DOCK1: variants seen among roughly 807,000 people sequenced by gnomAD.
DOCK1 encodes the protein dedicator of cytokinesis protein 1.
In DOCK1, 138 loss-of-function variants were observed where a neutral mutation model predicts 262.7. The ratio of observed to expected loss-of-function variants is 0.53; its 90% CI spans 0.46 to 0.61. The LOEUF is 0.61. Ranked by LOEUF, DOCK1 falls within the 20% of genes least tolerant of loss-of-function variation. The probability of loss-of-function intolerance (pLI) is 0.00; values close to 1 mark genes in which losing one functional copy is unlikely to be tolerated. For missense variants in DOCK1, 1,908 were observed against 2,370.7 expected (o/e 0.80, Z 4.05); for synonymous variants, 866 against 867.4 (o/e 1.00, Z 0.03).
chr10:127,090,208 A>G (rs1313422561), intron 23 of DOCK1, among the ~76,000 whole-genome samples: 1 of 152,148 alleles, frequency 6.6e-6, no homozygotes, highest in African/African-American at 2.4e-5. Flanking sequence ...TGCATTTGGC[A>G]AGACATGGCT....
intron 27 of DOCK1, among the ~76,000 whole-genome samples, chr10:127,164,943 A>G (rs1271116507): frequency 6.6e-6 from 1 of 152,236 alleles, no homozygotes; most frequent in African/African-American, 2.4e-5. Context: ...TTTCCAGCTG[A>G]GGCCGAGTTG....
At chr10:127,092,648 A>T (rs2047606900) in intron 23 of DOCK1, among the ~76,000 whole-genome samples, 1 of 151,738 alleles carries the variant, frequency 6.6e-6, no homozygotes, top group East Asian at 1.9e-4. Flanking sequence ...CGCCTGGATA[A>T]TTTTTTTGTA....
intron 27 of DOCK1, among the ~76,000 whole-genome samples, chr10:127,222,377 T>C (rs1278219844): frequency 1.3e-5 from 2 of 152,198 alleles, no homozygotes; most frequent in East Asian, 3.8e-4. Context: ...ACTCTCTCTC[T>C]CTCAATATGT....
intron 39 of DOCK1, 27 bp downstream of exon 39, chr10:127,403,171 A>G (rs2067322725): frequency 1.9e-6 from 3 of 1,571,822 alleles, no homozygotes; most frequent in African/African-American, 2.7e-5. Flanking sequence ...TTTTATTTAA[A>G]TGAACACAGG....
chr10:127,360,117 G>A (rs2064340194), intron 32 of DOCK1, among the ~76,000 whole-genome samples: 1 of 152,164 alleles, frequency 6.6e-6, no homozygotes, highest in African/African-American at 2.4e-5. Context: ...CTTAACTAAG[G>A]TTCGCAGCCC....
chr10:127,026,203 G>T (rs2042849279), intron 15 of DOCK1, 149 bp from the exon 16 acceptor site: 2 of 783,068 alleles, frequency 2.6e-6, no homozygotes, highest in African/African-American at 3.6e-5. Context: ...TTTGTCTTTG[G>T]AAAAATCATA....
intron 22 of DOCK1, among the ~76,000 whole-genome samples, chr10:127,057,572 G>A (rs2045245617): frequency 6.6e-6 from 1 of 152,176 alleles, no homozygotes; most frequent in African/African-American, 2.4e-5. Context: ...AAGACATTTG[G>A]TTCCTGGGGA....
At chr10:127,353,359 C>T (rs1036036625) in intron 31 of DOCK1, among the ~76,000 whole-genome samples, 1 of 152,188 alleles carries the variant, frequency 6.6e-6, no homozygotes, top group South Asian at 2.1e-4. Flanking sequence ...GCCAGCACTA[C>T]AAGCCTCCAA....
intron 29 of DOCK1, among the ~76,000 whole-genome samples, chr10:127,314,135 A>G (rs937238501): frequency 7.2e-5 from 11 of 152,170 alleles, no homozygotes; most frequent in Non-Finnish European, 1.3e-4. Context: ...TCATGGCATG[A>G]CTTTCCTCCA....
chr10:126,967,004 A>T (rs1032894803), intron 1 of DOCK1, among the ~76,000 whole-genome samples: 2 of 152,164 alleles, frequency 1.3e-5, no homozygotes, highest in Non-Finnish European at 2.9e-5. Context: ...ACCAGGGAGA[A>T]TGTAGTAGGC....
At chr10:127,139,464 CT>C (rs2051015820) in intron 27 of DOCK1, among the ~76,000 whole-genome samples, 1 of 151,908 alleles carries the variant, frequency 6.6e-6, no homozygotes, top group African/African-American at 2.4e-5. Context: ...ATCCTTTTCC[CT>C]TTTTTCGAAG....
chr10:127,377,636 G>A lies in DOCK1; in HGVS notation c.3676-2446G>A, dbSNP rs750987640. Among the ~76,000 whole-genome samples the A allele has an allele frequency of 4.6e-5, 7 of 151,880 alleles. No homozygotes were observed. In the East Asian group the frequency reaches 1.2e-3, roughly 25 times the overall value. On this transcript the variant is annotated intron_variant, in intron 35 of 51. Transcript: ENST00000623213. ...AATAGGTCCGGGTGTGGTGGCTCAC[G>A]CCTGTTGCACTTTGGGAGGCCAAGG...
At chr10:127,388,474 A>G (rs558565360) in intron 38 of DOCK1, among the ~76,000 whole-genome samples, 20 of 152,336 alleles carry the variant, frequency 1.3e-4, no homozygotes, top group African/African-American at 4.8e-4. Context: ...CAAGGCAAAA[A>G]ATTCATTTTA....
chr10:126,919,769 T>G (rs982749846), intron 1 of DOCK1, among the ~76,000 whole-genome samples: 4 of 152,212 alleles, frequency 2.6e-5, no homozygotes, highest in Non-Finnish European at 5.9e-5. Flanking sequence ...GGTGGCTCCG[T>G]GTCCCCTGCT....
chr10:127,125,117 A>AAAAAC (rs1270174072), intron 25 of DOCK1, among the ~76,000 whole-genome samples: 10 of 152,190 alleles, frequency 6.6e-5, no homozygotes, highest in Non-Finnish European at 1.3e-4. Flanking sequence ...ACTCCGTCTC[A>AAAAAC]AAAACAAAAC....
Position 127,351,134 on chromosome 10 carries a change from C to A in DOCK1, c.3225-3535C>A, listed in dbSNP as rs917203348. On this transcript the variant is annotated intron_variant, in intron 31 of 51. Transcript: ENST00000623213. ...AGGTGCTAAGATTAGGCCACAGGGA[C>A]CAAATTCACACGATTTTATGTCCGG... 3.3e-5 allele frequency among the ~76,000 whole-genome samples: 5 copies of A among 152,134 alleles called. No individual in the cohort carries two copies. In the East Asian group the frequency reaches 9.6e-4, roughly 29 times the overall value.
At chr10:127,356,033 C>T (rs532685861) in intron 32 of DOCK1, among the ~76,000 whole-genome samples, 6 of 152,330 alleles carry the variant, frequency 3.9e-5, no homozygotes, top group East Asian at 1.9e-4. Flanking sequence ...ATCCTTTCTG[C>T]GTGTCAGTCC....
In DOCK1 at chr10:127,444,171, G is replaced by A. The variant is rs201973019; in HGVS notation, c.5305G>A (p.Val1769Ile). 3.1e-4 allele frequency: 490 copies of A among 1,594,754 alleles called. 2 individuals are homozygous for A. The African/African-American group carries it at 5.2e-3, about 17-fold the overall frequency. Residue 1769 changes from valine (V) to isoleucine (I), a missense_variant, in exon 50 of 52, where the codon GTC (valine) becomes ATC (isoleucine). By Grantham distance (29) the Val-to-Ile change is conservative. Around this residue, in one of 9 missense-constraint regions of DOCK1, gnomAD observed 383 missense variants for 420.1 expected, o/e 0.91. Coordinates refer to ENST00000623213, the MANE Select transcript of DOCK1 (RefSeq NM_001290223.2). ...GAGACCGAAGAGCCAGGTGATGAAC[G>A]TCATTGGAAGCGAAAGGCGCTTCTC... ...PQRPKSQVMN[V>I]IGSERRFSVS...
intron 1 of DOCK1, among the ~76,000 whole-genome samples, chr10:126,918,919 A>G: frequency 6.7e-6 from 1 of 150,172 alleles, no homozygotes; most frequent in Non-Finnish European, 1.5e-5. Flanking sequence ...GGCACGGAGG[A>G]TTTGGAGGAG....
Sources: allele counts gnomAD v4.1 joint callset (sites outside exome capture counted in the v4.1 genomes callset), GRCh38; gene constraint gnomAD v4.1.1; regional missense constraint gnomAD v4.1.1; transcripts MANE v1.5; gene names NCBI Gene and HGNC (gene_info 2026-07-23, HGNC 2026-07-21).